The following PCDHGA4 variants were observed in gnomAD, a reference collection of about 807,000 sequenced individuals.
PCDHGA4 encodes the protein protocadherin gamma subfamily A, 4.
In PCDHGA4, 38 loss-of-function variants were observed where a neutral mutation model predicts 54.6. The ratio of observed to expected loss-of-function variants is 0.70; its 90% CI spans 0.54 to 0.91. The LOEUF (loss-of-function observed/expected upper bound fraction) is 0.91, where lower values mean the gene tolerates loss of function less well. PCDHGA4 is among the 40% of genes least tolerant of loss of function. The probability of loss-of-function intolerance (pLI) is 0.00; values close to 1 mark genes in which losing one functional copy is unlikely to be tolerated. For missense variants in PCDHGA4, 1,298 were observed against 1,220.9 expected, an observed-to-expected ratio of 1.06 and a Z score of -0.94; for synonymous variants, 511 against 512.9, an observed-to-expected ratio of 1.00 and a Z score of 0.05.
chr5:141,500,232 G>A (rs1024752888), intron 2 of PCDHGA4, among the ~76,000 whole-genome samples: 1 of 137,690 alleles, frequency 7.3e-6, no homozygotes, highest in South Asian at 2.3e-4. Flanking sequence ...TTATTGATAC[G>A]TAGCCTTGCT....
chr5:141,441,692 G>A (rs1165171238), intron 1 of PCDHGA4: 2 of 301,376 alleles, frequency 6.6e-6, no homozygotes, highest in Non-Finnish European at 1.3e-5. Context: ...AAGAGCAGCC[G>A]CGAGCCTTCA....
At chr5:141,389,355 G>C in intron 1 of PCDHGA4, 2 of 1,613,950 alleles carry the variant, frequency 1.2e-6, no homozygotes, top group Non-Finnish European at 1.7e-6. Flanking sequence ...CTGCATCATG[G>C]CCAGTGACCT....
chr5:141,381,416 C>T (rs995030864), intron 1 of PCDHGA4, among the ~76,000 whole-genome samples: 2 of 152,236 alleles, frequency 1.3e-5, no homozygotes, highest in African/African-American at 2.4e-5. Context: ...AGTGGAGAGA[C>T]GAGTACCTCT....
At chr5:141,430,945 C>G (rs1466092130) in intron 1 of PCDHGA4, 1 of 1,609,234 alleles carries the variant, frequency 6.2e-7, no homozygotes, top group Non-Finnish European at 8.5e-7. Context: ...TCGCGGAGCG[C>G]GGAGTCCGCA....
At chr5:141,478,644 T>G in intron 1 of PCDHGA4, 1 of 1,552,238 alleles carries the variant, frequency 6.4e-7, no homozygotes, top group South Asian at 1.2e-5. Context: ...GATGAAGATG[T>G]TTTCCTGGTG....
intron 1 of PCDHGA4, chr5:141,409,744 G>A (rs1255485257): frequency 6.2e-7 from 1 of 1,612,978 alleles, no homozygotes; most frequent in Non-Finnish European, 8.5e-7. Flanking sequence ...GCGGGGTGGT[G>A]TTCGCGCAGC....
Position 141,490,440 on chromosome 5 carries a change from T to G in PCDHGA4, c.2515-4367T>G, listed in dbSNP as rs560525159. The G allele has an allele frequency of 6.2e-7, 1 of 1,614,206 alleles. No individual in the cohort carries two copies. The highest frequency in any genetic ancestry group is 1.7e-5 in the Admixed American group (1 of 60,026). On this transcript the variant is annotated intron_variant, in intron 1 of 3. Transcript: ENST00000571252. This position sits in a 1 kb window ranked among gnomAD's most constrained non-coding sequence, Gnocchi z 5.4. ...ACCTGCCATTTCAGATTAAGCCTTCTGAGAACCACTACTCGCTGCTAACCA... is the reference window on the plus strand; with the variant it reads ...ACCTGCCATTTCAGATTAAGCCTTCGGAGAACCACTACTCGCTGCTAACCA...
At chr5:141,364,270 G>A (rs1358806015) in intron 1 of PCDHGA4, 1 of 1,513,876 alleles carries the variant, frequency 6.6e-7, no homozygotes, top group African/African-American at 1.4e-5. Flanking sequence ...ATCGGCTTTA[G>A]ATAAATAAGG....
At chr5:141,496,583 C>A (rs990137003) in intron 2 of PCDHGA4, among the ~76,000 whole-genome samples, 1 of 152,168 alleles carries the variant, frequency 6.6e-6, no homozygotes, top group African/African-American at 2.4e-5. Flanking sequence ...TTTAGGAACG[C>A]AAAGCGCTTC....
At chr5:141,380,936 C>G (rs905887369) in intron 1 of PCDHGA4, among the ~76,000 whole-genome samples, 1 of 152,194 alleles carries the variant, frequency 6.6e-6, no homozygotes, top group African/African-American at 2.4e-5. Flanking sequence ...ATACACTTTG[C>G]TTGCCTCAAC....
At position 141,356,664 on chromosome 5, in the gene PCDHGA4, T is replaced by A; in HGVS notation, c.1557T>A (p.Thr519=). 6.2e-7 allele frequency: 1 copy of A among 1,613,996 alleles called. No individual in the cohort carries two copies. Among genetic ancestry groups the A allele is most frequent in the Non-Finnish European group, 8.5e-7 (1 of 1,179,922 alleles). Residue 519 remains threonine, a synonymous_variant, in exon 1 of 4, where the codon ACT becomes ACA. Transcript: ENST00000571252. ...DPDSGDNARI[T]YSLAEDTFQG... ...ACAGTGGTGACAATGCCCGAATCAC[T>A]TACTCCCTGGCCGAAGACACCTTCC...
In PCDHGA4 at chr5:141,366,241, G is replaced by T. The variant is rs762618712; in HGVS notation, c.2514+8620G>T. On this transcript the variant is annotated intron_variant, in intron 1 of 3. Transcript: ENST00000571252. ...CGCGAGCCCTGCTGGACAGAGACGC[G>T]CTCAAGCAGAGCCTCGTGGTGGCCG... The T allele has an allele frequency of 4.3e-6, 7 of 1,613,748 alleles. No individual in the cohort carries two copies. The South Asian group carries it at 5.5e-5, about 13-fold the overall frequency.
chr5:141,417,851 G>T (rs1196210157), intron 1 of PCDHGA4: 1 of 1,543,508 alleles, frequency 6.5e-7, no homozygotes. Flanking sequence ...GCGAGAACCC[G>T]AGCGAACGAT....
chr5:141,386,119 G>T (rs2090470238), intron 1 of PCDHGA4: 1 of 152,186 alleles, frequency 6.6e-6, no homozygotes, highest in Non-Finnish European at 1.5e-5. Context: ...ATCAAAGTGG[G>T]AGATTGGGGA....
chr5:141,433,047 C>T (rs1561867159), intron 1 of PCDHGA4: 1 of 1,614,046 alleles, frequency 6.2e-7, no homozygotes, highest in African/African-American at 1.3e-5. Flanking sequence ...ACCACGGACT[C>T]GCGGAAGAGT....
intron 1 of PCDHGA4, chr5:141,365,288 G>T (rs1293975471): frequency 1.2e-6 from 2 of 1,613,842 alleles, no homozygotes; most frequent in African/African-American, 2.7e-5. Context: ...CATGGAAGTG[G>T]TAGCTCAGGA....
chr5:141,365,084 C>T lies in PCDHGA4; in HGVS notation c.2514+7463C>T, dbSNP rs75563633. The T allele has an allele frequency of 1.4e-5, 22 of 1,613,718 alleles. No homozygotes were observed. The South Asian group carries it at 1.4e-4, about 10-fold the overall frequency. On this transcript the variant is annotated intron_variant, in intron 1 of 3. Transcript: ENST00000571252. Reference sequence around the variant, plus strand: ...CCCATCCGAGTACAGCGTGAGTGTTCCAGAGAACATACCTGTGGGCACTCG... The same window carrying T: ...CCCATCCGAGTACAGCGTGAGTGTTTCAGAGAACATACCTGTGGGCACTCG...
At chr5:141,482,606 T>G (rs2099569173) in intron 1 of PCDHGA4, among the ~76,000 whole-genome samples, 1 of 146,712 alleles carries the variant, frequency 6.8e-6, no homozygotes, top group African/African-American at 2.6e-5. Context: ...AAAAAACACC[T>G]AAATGAGCCT....
At chr5:141,394,885 T>C (rs769027830) in intron 1 of PCDHGA4, 1 of 1,613,758 alleles carries the variant, frequency 6.2e-7, no homozygotes. Context: ...AGCCTTACAC[T>C]CTATCTCGTG....
Sources: allele counts gnomAD v4.1 joint callset (sites outside exome capture counted in the v4.1 genomes callset), GRCh38; gene constraint gnomAD v4.1.1; non-coding constraint Gnocchi (gnomAD v3.1); transcripts MANE v1.5; gene names NCBI Gene and HGNC (gene_info 2026-07-23, HGNC 2026-07-21).